Variants in SLC6A6 observed in about 807,000 individuals in gnomAD.
SLC6A6 encodes the protein solute carrier family 6 member 6.
In SLC6A6, 16 loss-of-function variants were observed where a neutral mutation model predicts 68.8. That is an observed-to-expected ratio of 0.23 (90% confidence interval 0.16 to 0.35). The LOEUF is 0.35. Ranked by LOEUF, SLC6A6 falls within the 10% of genes least tolerant of loss-of-function variation. The pLI is 1.00. For missense variants in SLC6A6, 474 were observed against 802.8 expected (o/e 0.59, Z 4.95); for synonymous variants, 312 against 315.4 (o/e 0.99, Z 0.12).
At chr3:14,430,852 G>A (rs1052737212) in intron 2 of SLC6A6, among the ~76,000 whole-genome samples, 4 of 152,220 alleles carry the variant, frequency 2.6e-5, no homozygotes, top group Non-Finnish European at 5.9e-5. Flanking sequence ...GGGGCCGTCT[G>A]TGGAGGAGGC....
chr3:14,482,457 C>T (rs1236762777), intron 14 of SLC6A6, among the ~76,000 whole-genome samples: 6 of 152,364 alleles, frequency 3.9e-5, no homozygotes, highest in East Asian at 1.9e-4. Flanking sequence ...AGATCCCAGG[C>T]CCTGGCAAAG....
At chr3:14,458,589 G>GC (rs1700423385) in intron 6 of SLC6A6, among the ~76,000 whole-genome samples, 1 of 152,230 alleles carries the variant, frequency 6.6e-6, no homozygotes, top group Admixed American at 6.5e-5. Context: ...TCGTGGGCCT[G>GC]CCCCAAACCT....
At chr3:14,404,225 C>G (rs1699054642) in intron 1 of SLC6A6, among the ~76,000 whole-genome samples, 1 of 152,136 alleles carries the variant, frequency 6.6e-6, no homozygotes, top group Admixed American at 6.5e-5. Flanking sequence ...TGTCCAGAGT[C>G]TCCTAGCCAG....
intron 1 of SLC6A6, among the ~76,000 whole-genome samples, chr3:14,408,912 T>C (rs1699171045): frequency 6.6e-6 from 1 of 152,064 alleles, no homozygotes. Flanking sequence ...GTTCAGGCCA[T>C]TCTCCTGCCT....
chr3:14,467,019 A>G (rs566286742), intron 7 of SLC6A6, among the ~76,000 whole-genome samples: 1 of 152,148 alleles, frequency 6.6e-6, no homozygotes, highest in African/African-American at 2.4e-5. Flanking sequence ...GGGATGGGAG[A>G]GTCGGGGCCT....
At position 14,425,135 on chromosome 3, in the gene SLC6A6, A is replaced by G. The variant is rs147737398; in HGVS notation, c.-12+8682A>G. On this transcript the variant is annotated intron_variant, in intron 2 of 14. Coordinates refer to ENST00000622186, the MANE Select transcript of SLC6A6 (RefSeq NM_003043.6). ...TCCTGTTTCTCCTGAGAGCAAATCC[A>G]ATTGTGTATTCGAGGCACTTCCTTG... is the stretch of plus-strand genomic sequence containing the variant. Among the ~76,000 whole-genome samples the G allele has an allele frequency of 3.9e-5, 6 of 152,284 alleles. No homozygotes were observed. In the East Asian group the frequency reaches 9.6e-4, roughly 24 times the overall value.
At position 14,485,161 on chromosome 3, in the gene SLC6A6, T is replaced by TGC; in HGVS notation, c.*155_*156insCG. On this transcript the variant is annotated 3_prime_UTR_variant, in exon 15 of 15. Transcript: ENST00000622186. Reference sequence around the variant, plus strand: ...GTAATTGTGGGTATGTGTGCGTGCGTGTGTGTGTGTGTGTGTATCGTGTGT... The same window carrying TGC: ...GTAATTGTGGGTATGTGTGCGTGCGTGCGTGTGTGTGTGTGTGTATCGTGTGT... 1.4e-5 allele frequency: 5 copies of TGC among 366,530 alleles called. No individual in the cohort carries two copies. Among genetic ancestry groups the TGC allele is most frequent in the Non-Finnish European group, 2.6e-5 (5 of 189,884 alleles). 22.7% of individuals were successfully genotyped at this position (366,530 alleles called of 1,614,324 possible).
intron 13 of SLC6A6, among the ~76,000 whole-genome samples, chr3:14,479,649 AGCTTAGAGAGGGG>A (rs1328922525): frequency 1.4e-4 from 22 of 152,226 alleles, no homozygotes; most frequent in African/African-American, 5.3e-4. Flanking sequence ...TGGGGGTAGT[AGCTTAGAGAGGGG>A]AAGTCCTGGG....
At chr3:14,433,479 G>T (rs1699777076) in intron 2 of SLC6A6, among the ~76,000 whole-genome samples, 1 of 152,234 alleles carries the variant, frequency 6.6e-6, no homozygotes, top group South Asian at 2.1e-4. Context: ...GGCGGCCGAG[G>T]TGTGGGGTTA....
At chr3:14,414,457 T>A (rs1488419389) in intron 1 of SLC6A6, among the ~76,000 whole-genome samples, 2 of 152,052 alleles carry the variant, frequency 1.3e-5, no homozygotes, top group South Asian at 4.2e-4. Context: ...CTGGAACAGG[T>A]TTAAGCTGTC....
chr3:14,443,767 T>C lies in SLC6A6; in HGVS notation c.133T>C (p.Ser45Pro). ...AAAACCTCCGCAGAGGGAGAAGTGG[T>C]CTAGCAAGATCGACTTTGTGCTCTC... ...EGKPPQREKWSSKIDFVLSVA... is the reference protein window; with the variant it reads ...EGKPPQREKWPSKIDFVLSVA... Residue 45 changes from serine (S) to proline (P), a missense_variant, in exon 3 of 15, where the codon TCT becomes CCT. Ser to Pro is a moderately conservative substitution (Grantham distance 74, BLOSUM62 -1). Around this residue, in one of 2 missense-constraint regions of SLC6A6, gnomAD observed 280 missense variants for 533.1 expected, o/e 0.53. Transcript: ENST00000622186. 6.2e-7 allele frequency: 1 copy of C among 1,614,032 alleles called. No individual in the cohort carries two copies. Among genetic ancestry groups the C allele is most frequent in the African/African-American group, 1.3e-5 (1 of 74,998 alleles).
Position 14,487,276 on chromosome 3 carries a change from G to T in SLC6A6, c.*2269G>T, listed in dbSNP as rs35510912. 32,172 of 152,700 alleles carry T rather than the reference G, an allele frequency of 0.21. 3,498 individuals are homozygous for T. The highest frequency in any genetic ancestry group is 0.32 in the Middle Eastern group (95 of 294). The allele number at this position is 152,700 out of a possible 1,614,324, so 9.5% of individuals were successfully genotyped here. A position where few individuals can be genotyped will look rare whatever the true frequency, so the allele number is the denominator to read the frequency against. ...GACCAAATTCTAGACCAAAGACACA[G>T]GCAGACCAAGTCCCCAGGCCCCGCC... On this transcript the variant is annotated 3_prime_UTR_variant, in exon 15 of 15. Coordinates refer to ENST00000622186, the MANE Select transcript of SLC6A6 (RefSeq NM_003043.6).
intron 10 of SLC6A6, among the ~76,000 whole-genome samples, chr3:14,476,460 AC>A (rs1483726144): frequency 1.3e-5 from 2 of 152,204 alleles, no homozygotes; most frequent in Non-Finnish European, 2.9e-5. Context: ...GCCTTTTCCA[AC>A]CAGCTTCTTT....
At position 14,476,138 on chromosome 3, in the gene SLC6A6, G is replaced by A. The variant is rs1700873686; in HGVS notation, c.1210-1067G>A. 2.0e-5 allele frequency among the ~76,000 whole-genome samples: 3 copies of A among 152,194 alleles called. No individual in the cohort carries two copies. In the South Asian group the frequency reaches 6.2e-4, roughly 31 times the overall value. ...GCCTTGGAGGGTGTGTTGGTTGGCA[G>A]GGAAGTTTGGGTGTAGCCATCCAAA... On this transcript the variant is annotated intron_variant, in intron 10 of 14. Transcript: ENST00000622186.
chr3:14,408,991 G>T lies in SLC6A6; in HGVS notation c.-54+6144G>T, dbSNP rs80236658. 9.7e-3 allele frequency among the ~76,000 whole-genome samples: 1,482 copies of T among 152,240 alleles called. 54 individuals are homozygous for T. The highest frequency in any genetic ancestry group is 0.084 in the East Asian group (437 of 5,172). On this transcript the variant is annotated intron_variant, in intron 1 of 14. Coordinates refer to ENST00000622186, the MANE Select transcript of SLC6A6 (RefSeq NM_003043.6). ...CCAGCTAATTTTTTTTGTATTTTTAGTAGAGACAGAGTTTCACCATGTTAG... is the reference window on the plus strand; with the variant it reads ...CCAGCTAATTTTTTTTGTATTTTTATTAGAGACAGAGTTTCACCATGTTAG...
chr3:14,466,817 G>A (rs1574957117), intron 7 of SLC6A6, among the ~76,000 whole-genome samples, 167 bp downstream of exon 7: 1 of 152,234 alleles, frequency 6.6e-6, no homozygotes, highest in Non-Finnish European at 1.5e-5. Flanking sequence ...CCTGTGGCGG[G>A]TGTGCCTGTC....
At chr3:14,445,628 T>C (rs1559299312) in intron 3 of SLC6A6, 89 bp from the exon 4 acceptor site, 3 of 1,443,172 alleles carry the variant, frequency 2.1e-6, no homozygotes, top group East Asian at 4.5e-5. Context: ...GCATTCTCTC[T>C]GGTTCCATTG....
chr3:14,449,354 G>A (rs1017763189), intron 5 of SLC6A6, among the ~76,000 whole-genome samples: 7 of 152,212 alleles, frequency 4.6e-5, no homozygotes, highest in African/African-American at 1.4e-4. Context: ...ATTGCCCCTC[G>A]GTTCCCCGCT....
At chr3:14,454,070 T>C (rs1212422218) in intron 5 of SLC6A6, among the ~76,000 whole-genome samples, 1 of 152,218 alleles carries the variant, frequency 6.6e-6, no homozygotes, top group Non-Finnish European at 1.5e-5. Context: ...CCCCTCGCTC[T>C]TAAAAGTGAG....
Sources: allele counts gnomAD v4.1 joint callset (sites outside exome capture counted in the v4.1 genomes callset), GRCh38; gene constraint gnomAD v4.1.1; regional missense constraint gnomAD v4.1.1; transcripts MANE v1.5; gene names NCBI Gene and HGNC (gene_info 2026-07-23, HGNC 2026-07-21).